POLD3: variants seen among roughly 807,000 people sequenced by gnomAD.
POLD3 encodes the protein DNA polymerase delta 3, accessory subunit.
POLD3 carries 19 observed loss-of-function variants against 58.2 expected under a neutral mutation model. The observed-to-expected ratio is 0.33, with a 90% CI of 0.23 to 0.48. The LOEUF (loss-of-function observed/expected upper bound fraction) is 0.48, where lower values mean the gene tolerates loss of function less well. Ranked by LOEUF, POLD3 falls within the 20% of genes least tolerant of loss-of-function variation. The pLI, the probability that POLD3 is intolerant of heterozygous loss-of-function variation, is 0.99. For synonymous variants in POLD3, 172 were observed against 193.5 expected (o/e 0.89, Z 0.92); for missense variants, 504 against 545.5 (o/e 0.92, Z 0.76).
chr11:74,613,126 C>T, intron 5 of POLD3, 116 bp downstream of exon 5: 3 of 872,536 alleles, frequency 3.4e-6, no homozygotes, highest in Non-Finnish European at 5.3e-6. Flanking sequence ...ATTTATCTTG[C>T]AGTAAGAAAC....
intron 10 of POLD3, among the ~76,000 whole-genome samples, chr11:74,635,588 G>A (rs1418185529): frequency 6.6e-6 from 1 of 152,206 alleles, no homozygotes; most frequent in African/African-American, 2.4e-5. Context: ...GCTGAGGTAG[G>A]ATGATCATTT....
intron 7 of POLD3, among the ~76,000 whole-genome samples, chr11:74,622,635 A>G (rs183507055): frequency 4.6e-4 from 70 of 152,338 alleles, no homozygotes; most frequent in Non-Finnish European, 7.3e-4. Context: ...TGAGAATTGG[A>G]TGAAGAGAGT....
At chr11:74,594,681 A>G (rs1040512051) in intron 2 of POLD3, among the ~76,000 whole-genome samples, 2 of 152,348 alleles carry the variant, frequency 1.3e-5, no homozygotes, top group African/African-American at 4.8e-5. Flanking sequence ...TCATGCTGCT[A>G]TGAAGACACA....
rs568968895 is a variant in POLD3 at position 74,598,179 on chromosome 11, A to G, written c.116+4063A>G. On this transcript the variant is annotated intron_variant, in intron 2 of 11. Coordinates refer to ENST00000263681, the MANE Select transcript of POLD3 (RefSeq NM_006591.3). ...AGCTTTCAGATTAGGTGTTAGTTCAAGCTAATTTTTAAATGAATCACTGAA... is the reference window on the plus strand; with the variant it reads ...AGCTTTCAGATTAGGTGTTAGTTCAGGCTAATTTTTAAATGAATCACTGAA... 2.6e-5 allele frequency among the ~76,000 whole-genome samples: 4 copies of G among 152,346 alleles called. No homozygotes were observed. In the South Asian group the frequency reaches 6.2e-4, roughly 24 times the overall value.
rs1238118220 is a variant in POLD3 at position 74,592,734 on chromosome 11, T to A, written c.60+16T>A. 1.2e-6 allele frequency: 2 copies of A among 1,613,734 alleles called. No homozygotes were observed. Among genetic ancestry groups the A allele is most frequent in the African/African-American group, 2.7e-5 (2 of 74,924 alleles). ...AAACAAGATCGTGAGCAGCTACTACTGGGGAACGCGGGCGTGCGACCGGGG... is the reference window on the plus strand; with the variant it reads ...AAACAAGATCGTGAGCAGCTACTACAGGGGAACGCGGGCGTGCGACCGGGG... On this transcript the variant is annotated intron_variant, in intron 1 of 11. Coordinates refer to ENST00000263681, the MANE Select transcript of POLD3 (RefSeq NM_006591.3).
chr11:74,627,373 A>AT lies in POLD3; in HGVS notation c.899+1806dup, dbSNP rs568220348. ...GAAAATATTTTTGTACAGCTGTACA[A>AT]TTTTTTGTGTTTTAAGCTGTGTTAT... is the stretch of plus-strand genomic sequence containing the variant. On this transcript the variant is annotated intron_variant, in intron 8 of 11. Transcript: ENST00000263681. Among the ~76,000 whole-genome samples, 142 of 152,332 alleles carry AT rather than the reference A, an allele frequency of 9.3e-4. 1 individual carries two copies. The highest frequency in any genetic ancestry group is 1.5e-3 in the African/African-American group (61 of 41,584).
intron 4 of POLD3, among the ~76,000 whole-genome samples, chr11:74,663,016 G>C (rs2033223988): frequency 6.6e-6 from 1 of 152,228 alleles, no homozygotes; most frequent in Non-Finnish European, 1.5e-5. Context: ...CAAGGGCACT[G>C]CAAGGGGATG....
chr11:74,599,954 TTA>T (rs2031427145), intron 2 of POLD3, among the ~76,000 whole-genome samples: 2 of 135,500 alleles, frequency 1.5e-5, no homozygotes, highest in African/African-American at 3.0e-5. Flanking sequence ...GTTATTATTA[TTA>T]TTTTTTTTTT....
At position 74,620,208 on chromosome 11, in the gene POLD3, TAACAA is replaced by T. The variant is rs1236665963; in HGVS notation, c.733+121_733+125del. On this transcript the variant is annotated intron_variant, in intron 7 of 11. Transcript: ENST00000263681. The stretch of plus-strand genomic sequence containing the variant: ...CCAATCCAAGAGACTACCTGCATTC[TAACAA>T]ATTTCCAGTGTACTGCCCAATATAT... 1.1e-5 allele frequency: 8 copies of T among 739,050 alleles called. No individual in the cohort carries two copies. The East Asian group carries it at 2.0e-4, about 19-fold the overall frequency. The allele number at this position is 739,050 out of a possible 1,614,324, so 45.8% of individuals were successfully genotyped here. A position where few individuals can be genotyped will look rare whatever the true frequency, so the allele number is the denominator to read the frequency against.
At chr11:74,646,716 C>T (rs540110085), downstream of POLD3, among the ~76,000 whole-genome samples, 5 of 152,302 alleles carry the variant, frequency 3.3e-5, no homozygotes, top group East Asian at 5.8e-4. Flanking sequence ...GGCATTTGTG[C>T]CCTGTTTAAG....
chr11:74,596,245 G>A (rs908644721), intron 2 of POLD3, among the ~76,000 whole-genome samples: 11 of 150,298 alleles, frequency 7.3e-5, no homozygotes, highest in Non-Finnish European at 1.0e-4. Context: ...GTCCAACGGC[G>A]TGATCTCGGC....
At position 74,665,090 on chromosome 11, in the gene POLD3, A is replaced by T. The variant is rs983767126; in HGVS notation, c.370-3687A>T. Among the ~76,000 whole-genome samples the T allele has an allele frequency of 4.7e-5, 7 of 150,310 alleles. No individual in the cohort carries two copies. In the East Asian group the frequency reaches 1.4e-3, roughly 29 times the overall value. ...ACTCCAGCCTGGTCAACAGAGTGAGACTCCATCTCAAAAAATAAAAATAAA... is the reference window on the plus strand; with the variant it reads ...ACTCCAGCCTGGTCAACAGAGTGAGTCTCCATCTCAAAAAATAAAAATAAA... On this transcript the variant is annotated intron_variant, in intron 4 of 4. Transcript: ENST00000524752.
chr11:74,618,665 C>T lies in POLD3; in HGVS notation c.521C>T (p.Thr174Ile). The T allele has an allele frequency of 6.2e-7, 1 of 1,614,066 alleles. No individual in the cohort carries two copies. The highest frequency in any genetic ancestry group is 1.1e-5 in the South Asian group (1 of 91,084). ...ACACAAGCCAACAATGAGCTGACCA[C>T]CAATGGTCATGGCCCACCTGCATCC... Reference protein sequence around the residue: ...SETQANNELTTNGHGPPASKQ... With the variant: ...SETQANNELTINGHGPPASKQ... The change falls in exon 6 of 12, where the codon ACC becomes ATC. Residue 174 changes from threonine to isoleucine, a missense_variant. By Grantham distance (89) the Thr-to-Ile change is moderately conservative. This residue lies in a region of POLD3 where 385 missense variants were observed against 370.5 expected (regional missense o/e 1.04). Coordinates refer to ENST00000263681, the MANE Select transcript of POLD3 (RefSeq NM_006591.3).
chr11:74,651,397 T>C (rs558991168), intron 4 of POLD3, among the ~76,000 whole-genome samples: 25 of 152,274 alleles, frequency 1.6e-4, no homozygotes, highest in African/African-American at 6.0e-4. Context: ...CAAATTACCT[T>C]GTGTCTCCAT....
At chr11:74,656,502 G>A (rs746745868) in intron 4 of POLD3, among the ~76,000 whole-genome samples, 7 of 152,000 alleles carry the variant, frequency 4.6e-5, no homozygotes, top group African/African-American at 7.3e-5. Flanking sequence ...CAGGAGAATC[G>A]CTTGAACCCG....
chr11:74,655,398 T>A (rs190589280), intron 4 of POLD3, among the ~76,000 whole-genome samples: 1 of 152,366 alleles, frequency 6.6e-6, no homozygotes, highest in East Asian at 1.9e-4. Context: ...AATGTCAGAT[T>A]TCATAATTGC....
intron 7 of POLD3, among the ~76,000 whole-genome samples, 175 bp from the exon 8 acceptor site, chr11:74,625,233 T>C (rs1300368790): frequency 6.6e-6 from 1 of 150,732 alleles, no homozygotes; most frequent in Non-Finnish European, 1.5e-5. Context: ...GAGGCAGAAA[T>C]GAAAAGTTAC....
intron 3 of POLD3, among the ~76,000 whole-genome samples, chr11:74,605,468 C>T (rs1012485727): frequency 6.6e-6 from 1 of 152,156 alleles, no homozygotes; most frequent in African/African-American, 2.4e-5. Context: ...CTACCAGAAG[C>T]TCTGCTAAGA....
intron 4 of POLD3, among the ~76,000 whole-genome samples, chr11:74,666,959 TA>T (rs34863947): frequency 0.043 from 5,853 of 137,304 alleles, 218 homozygotes; most frequent in African/African-American, 0.1. Context: ...TTAAAGTTGC[TA>T]AAAAAAAAAA....
Sources: allele counts gnomAD v4.1 joint callset (sites outside exome capture counted in the v4.1 genomes callset), GRCh38; gene constraint gnomAD v4.1.1; regional missense constraint gnomAD v4.1.1; transcripts MANE v1.5; gene names NCBI Gene and HGNC (gene_info 2026-07-23, HGNC 2026-07-21).